APBB2: variants seen among roughly 807,000 people sequenced by gnomAD.
APBB2 encodes the protein amyloid beta precursor protein binding family B member 2.
APBB2 carries 38 observed loss-of-function variants against 82.5 expected under a neutral mutation model. The observed-to-expected ratio is 0.46, with a 90% CI of 0.36 to 0.60. The LOEUF (loss-of-function observed/expected upper bound fraction) is 0.60, where lower values mean the gene tolerates loss of function less well. APBB2 is among the 20% of genes least tolerant of loss of function. The probability of loss-of-function intolerance (pLI) is 0.00; values close to 1 mark genes in which losing one functional copy is unlikely to be tolerated. For missense variants in APBB2, 772 were observed against 972.3 expected, an observed-to-expected ratio of 0.79 and a Z score of 2.74; for synonymous variants, 341 against 368.2, an observed-to-expected ratio of 0.93 and a Z score of 0.85.
At chr4:40,995,164 C>G (rs186734890) in intron 6 of APBB2, among the ~76,000 whole-genome samples, 1 of 152,246 alleles carries the variant, frequency 6.6e-6, no homozygotes, top group African/African-American at 2.4e-5. Flanking sequence ...CAAGCTTATG[C>G]TTGGGTTTCC....
chr4:41,092,452 C>A (rs1179792269), intron 3 of APBB2, among the ~76,000 whole-genome samples: 1 of 152,072 alleles, frequency 6.6e-6, no homozygotes, highest in Non-Finnish European at 1.5e-5. Flanking sequence ...AACTAAGCAG[C>A]TACAGACAAC....
intron 3 of APBB2, among the ~76,000 whole-genome samples, chr4:41,089,959 C>G (rs865858300): frequency 6.6e-6 from 1 of 152,064 alleles, no homozygotes; most frequent in Non-Finnish European, 1.5e-5. Flanking sequence ...ATTTATATAA[C>G]GAAACACTAG....
At chr4:40,830,601 C>G in intron 12 of APBB2, 24 bp from the exon 13 acceptor site, 1 of 1,430,818 alleles carries the variant, frequency 7.0e-7, no homozygotes, top group Middle Eastern at 1.8e-4. Flanking sequence ...ATGTATCAGT[C>G]CATTAGTAAG....
At position 41,065,566 on chromosome 4, in the gene APBB2, C is replaced by T. The variant is rs901534436; in HGVS notation, c.-51+10G>A. 6.6e-6 allele frequency: 1 copy of T among 151,880 alleles called. No homozygotes were observed. The highest frequency in any genetic ancestry group is 2.1e-4 in the South Asian group (1 of 4,818). 9.4% of individuals were successfully genotyped at this position (151,880 alleles called of 1,614,324 possible). A position where few individuals can be genotyped will look rare whatever the true frequency, so the allele number is the denominator to read the frequency against. On this transcript the variant is annotated intron_variant, in intron 4 of 17. Transcript: ENST00000508593. ...GAAAAAAGCAAGAGAGAGACTGATC[C>T]CATACATACATGAGCTGCCTGGACA... is the stretch of plus-strand genomic sequence containing the variant.
chr4:40,991,883 ATG>A (rs1560473792), intron 6 of APBB2, among the ~76,000 whole-genome samples: 8 of 152,238 alleles, frequency 5.3e-5, no homozygotes, highest in Admixed American at 5.2e-4. Flanking sequence ...AGAATCTTCT[ATG>A]AGAGTGGTCT....
chr4:40,895,703 G>A (rs188857276), intron 10 of APBB2, among the ~76,000 whole-genome samples: 4 of 152,268 alleles, frequency 2.6e-5, no homozygotes, highest in East Asian at 1.9e-4. Flanking sequence ...CTCCCATGTC[G>A]GTTCCCAACC....
intron 1 of APBB2, among the ~76,000 whole-genome samples, chr4:41,205,305 T>C (rs888653154): frequency 1.3e-5 from 2 of 152,192 alleles, no homozygotes; most frequent in Non-Finnish European, 1.5e-5. Flanking sequence ...CACTACCACC[T>C]GCCTCTCAAT....
At position 41,004,836 on chromosome 4, in the gene APBB2, CAAAAAAAA is replaced by C. The variant is rs34941899; in HGVS notation, c.835+8739_835+8746del. ...TGGGCGACACAGCGAGACCCCATCT[CAAAAAAAA>C]AAAAAAAAAAAAAAAGACTGGCATG... On this transcript the variant is annotated intron_variant, in intron 6 of 17. Coordinates refer to ENST00000508593, the MANE Select transcript of APBB2 (RefSeq NM_004307.2). Among the ~76,000 whole-genome samples the C allele has an allele frequency of 1.6e-4, 8 of 49,276 alleles. No homozygotes were observed. The Admixed American group carries it at 1.8e-3, about 11-fold the overall frequency. 32.3% of individuals were successfully genotyped at this position (49,276 alleles called of 152,430 possible).
At chr4:41,027,158 T>A (rs1015689765) in intron 5 of APBB2, among the ~76,000 whole-genome samples, 1 of 152,048 alleles carries the variant, frequency 6.6e-6, no homozygotes, top group Non-Finnish European at 1.5e-5. Flanking sequence ...CAGCACCCGA[T>A]TAAAGCCTTC....
In APBB2 at chr4:40,958,634, C is replaced by T. The variant is rs1792294028; in HGVS notation, c.836-13561G>A. On this transcript the variant is annotated intron_variant, in intron 6 of 17. Transcript: ENST00000508593. The stretch of plus-strand genomic sequence containing the variant: ...CTTTCTTCCTTTTTTGAGACAGGGC[C>T]TTGCTTTGTCACCCAGGCTGGAGTG... 2.0e-5 allele frequency among the ~76,000 whole-genome samples: 3 copies of T among 152,090 alleles called. No individual in the cohort carries two copies. The South Asian group carries it at 6.2e-4, about 32-fold the overall frequency.
At chr4:41,095,736 A>C (rs540004986) in intron 3 of APBB2, among the ~76,000 whole-genome samples, 1 of 152,270 alleles carries the variant, frequency 6.6e-6, no homozygotes, top group South Asian at 2.1e-4. Flanking sequence ...TGAACAATCT[A>C]CACAACCTCA....
intron 10 of APBB2, among the ~76,000 whole-genome samples, chr4:40,897,657 A>C (rs1209583347): frequency 6.6e-6 from 1 of 152,160 alleles, no homozygotes; most frequent in Non-Finnish European, 1.5e-5. Flanking sequence ...GTTTCACCCC[A>C]TTCCATGTGG....
Position 40,812,224 on chromosome 4 carries a change from TA to T in APBB2, c.*3867del. 6.6e-6 allele frequency: 1 copy of T among 152,246 alleles called. No individual in the cohort carries two copies. The highest frequency in any genetic ancestry group is 1.5e-5 in the Non-Finnish European group (1 of 68,038). 9.4% of individuals were successfully genotyped at this position (152,246 alleles called of 1,614,324 possible). A position where few individuals can be genotyped will look rare whatever the true frequency, so the allele number is the denominator to read the frequency against. On this transcript the variant is annotated 3_prime_UTR_variant, in exon 18 of 18. Transcript: ENST00000508593. ...TAAGAAGTCTGAGGTAAGAATAATT[TA>T]AAAATAACTAGAGACACCGAGTTTC...
At chr4:40,822,098 G>A in intron 16 of APBB2, 48 bp from the exon 17 acceptor site, 1 of 1,599,092 alleles carries the variant, frequency 6.3e-7, no homozygotes, top group African/African-American at 1.3e-5. Flanking sequence ...CCAGGATCAA[G>A]CTTAAGAGTG....
intron 6 of APBB2, among the ~76,000 whole-genome samples, chr4:41,003,363 A>C (rs1043749762): frequency 2.0e-5 from 3 of 152,208 alleles, no homozygotes; most frequent in Non-Finnish European, 4.4e-5. Flanking sequence ...ACATTCTTTC[A>C]CATCTCCTCC....
At chr4:41,047,455 G>C (rs1431814346) in intron 4 of APBB2, among the ~76,000 whole-genome samples, 1 of 152,266 alleles carries the variant, frequency 6.6e-6, no homozygotes, top group Non-Finnish European at 1.5e-5. Flanking sequence ...AGCCCACAGG[G>C]ATAGGGCTCC....
At chr4:41,032,429 A>G (rs1214122420) in intron 5 of APBB2, among the ~76,000 whole-genome samples, 3 of 152,098 alleles carry the variant, frequency 2.0e-5, no homozygotes, top group African/African-American at 7.2e-5. Flanking sequence ...GATGCACAAT[A>G]AAATTAAGGT....
intron 6 of APBB2, among the ~76,000 whole-genome samples, chr4:40,959,577 A>C (rs1792544121): frequency 6.6e-6 from 1 of 152,206 alleles, no homozygotes; most frequent in African/African-American, 2.4e-5. Context: ...TACTTCAACA[A>C]AAGATCATTA....
intron 1 of APBB2, among the ~76,000 whole-genome samples, chr4:41,189,222 A>G (rs189808582): frequency 2.6e-5 from 4 of 152,308 alleles, no homozygotes; most frequent in Admixed American, 2.6e-4. Context: ...GCTACTCACA[A>G]CAACGTGGAT....
Sources: allele counts gnomAD v4.1 joint callset (sites outside exome capture counted in the v4.1 genomes callset), GRCh38; gene constraint gnomAD v4.1.1; transcripts MANE v1.5; gene names NCBI Gene and HGNC (gene_info 2026-07-23, HGNC 2026-07-21).